The following POU2F1 variants were observed in gnomAD, a reference collection of about 807,000 sequenced individuals.
POU2F1 encodes the protein POU domain, class 2, transcription factor 1.
Under a neutral mutation model 84.9 loss-of-function variants are expected in POU2F1, and 16 were observed. That is an observed-to-expected ratio of 0.19 (90% CI 0.13 to 0.29). The LOEUF is 0.29. Ranked by LOEUF, POU2F1 falls within the 10% of genes least tolerant of loss-of-function variation. POU2F1 has a pLI of 1.00. For synonymous variants in POU2F1, 368 were observed against 368.3 expected, an observed-to-expected ratio of 1.00 and a Z score of 0.01; for missense variants, 738 against 942.6, an observed-to-expected ratio of 0.78 and a Z score of 2.84.
intron 1 of POU2F1, among the ~76,000 whole-genome samples, chr1:167,271,307 A>G (rs1230191134): frequency 6.6e-6 from 1 of 152,220 alleles, no homozygotes; most frequent in Non-Finnish European, 1.5e-5. Flanking sequence ...GAGTTTCCTT[A>G]GAAGCCATTT....
At chr1:167,389,819 G>A in intron 9 of POU2F1, 58 bp downstream of exon 9, 3 of 1,551,810 alleles carry the variant, frequency 1.9e-6, no homozygotes, top group South Asian at 1.2e-5. Context: ...AATACAGTTG[G>A]CTCTCTGTAT....
intron 1 of POU2F1, among the ~76,000 whole-genome samples, chr1:167,324,288 C>CAACAATTTTTTTAAAGAAATACTT (rs140522623): frequency 1.3e-5 from 2 of 152,064 alleles, no homozygotes; most frequent in African/African-American, 4.8e-5. Context: ...AGGTTGAAGT[C>CAACAATTTTTTTAAAGAAATACTT]TAGAACACAT....
At chr1:167,252,169 C>T (rs1438413220) in intron 1 of POU2F1, among the ~76,000 whole-genome samples, 1 of 152,028 alleles carries the variant, frequency 6.6e-6, no homozygotes, top group African/African-American at 2.4e-5. Flanking sequence ...GTCTCTTCTT[C>T]ATATCCTGAT....
chr1:167,330,800 A>G (rs1417565759), intron 1 of POU2F1, among the ~76,000 whole-genome samples: 2 of 152,122 alleles, frequency 1.3e-5, no homozygotes, highest in African/African-American at 4.8e-5. Flanking sequence ...CTTGTTAAGA[A>G]TTATGCTTAT....
chr1:167,319,659 A>T (rs1429030108), intron 1 of POU2F1, among the ~76,000 whole-genome samples: 1 of 151,752 alleles, frequency 6.6e-6, no homozygotes, highest in Non-Finnish European at 1.5e-5. Flanking sequence ...ATCACTGCAA[A>T]ACACTGCAAA....
intron 7 of POU2F1, chr1:167,379,533 C>G (rs547436381): frequency 6.6e-6 from 1 of 152,154 alleles, no homozygotes; most frequent in Non-Finnish European, 1.5e-5. Flanking sequence ...TTAGAAGAAC[C>G]TTGGTGAAAC....
chr1:167,238,211 GTC>G (rs1463446930), intron 1 of POU2F1, among the ~76,000 whole-genome samples: 2 of 151,792 alleles, frequency 1.3e-5, no homozygotes, highest in African/African-American at 4.8e-5. Context: ...GTTTCATTTT[GTC>G]TCTCAAGTTG....
chr1:167,387,047 A>G (rs1648032431), intron 8 of POU2F1: 8 of 397,774 alleles, frequency 2.0e-5, no homozygotes, highest in South Asian at 1.4e-4. Context: ...GCTGAATGCA[A>G]GAGTGAGGTT....
intron 1 of POU2F1, chr1:167,329,322 G>T (rs1656924364): frequency 2.6e-6 from 4 of 1,546,940 alleles, no homozygotes; most frequent in Non-Finnish European, 3.5e-6. Flanking sequence ...TACCAGCACA[G>T]TTCTTTTCTT....
intron 1 of POU2F1, among the ~76,000 whole-genome samples, chr1:167,231,961 G>A (rs937659280): frequency 1.3e-5 from 2 of 152,170 alleles, no homozygotes; most frequent in African/African-American, 4.8e-5. Context: ...CATACCACAA[G>A]GGGATTGGTT....
chr1:167,325,609 C>T (rs746197878), intron 1 of POU2F1, among the ~76,000 whole-genome samples: 8 of 151,844 alleles, frequency 5.3e-5, no homozygotes, highest in Non-Finnish European at 8.8e-5. Context: ...CTAGTAGTGT[C>T]GGCTGGGCAT....
intron 1 of POU2F1, among the ~76,000 whole-genome samples, chr1:167,292,203 A>G (rs1482550987): frequency 6.6e-6 from 1 of 152,102 alleles, no homozygotes; most frequent in Non-Finnish European, 1.5e-5. Context: ...GATATCTATT[A>G]TATAAGTCAG....
At position 167,416,175 on chromosome 1, in the gene POU2F1, G is replaced by GACA; in HGVS notation, c.*367_*369dup. 2.7e-6 allele frequency: 1 copy of GACA among 365,998 alleles called. No individual in the cohort carries two copies. Among genetic ancestry groups the GACA allele is most frequent in the Non-Finnish European group, 5.1e-6 (1 of 195,724 alleles). 22.7% of individuals were successfully genotyped at this position (365,998 alleles called of 1,614,324 possible). ...ACTTATCATTTCCAGCAGTCATGAT[G>GACA]ACAAGTTAAGGTGGGTTACCAATTC... On this transcript the variant is annotated 3_prime_UTR_variant, in exon 16 of 16. Transcript: ENST00000367866.
chr1:167,261,713 TC>T (rs1163558563), intron 1 of POU2F1, among the ~76,000 whole-genome samples: 2 of 152,226 alleles, frequency 1.3e-5, no homozygotes, highest in Non-Finnish European at 2.9e-5. Flanking sequence ...AGAGTCTTGC[TC>T]TGTTGCCCAG....
At chr1:167,308,512 A>T (rs1388487007) in intron 1 of POU2F1, among the ~76,000 whole-genome samples, 1 of 152,032 alleles carries the variant, frequency 6.6e-6, no homozygotes, top group Admixed American at 6.6e-5. Flanking sequence ...CATTTACTAG[A>T]TTTAATAGTG....
chr1:167,256,539 G>C (rs1427057175), intron 1 of POU2F1, among the ~76,000 whole-genome samples: 1 of 152,064 alleles, frequency 6.6e-6, no homozygotes, highest in Non-Finnish European at 1.5e-5. Flanking sequence ...AAATAACTTT[G>C]AATTTCAACT....
At chr1:167,370,872 A>G (rs1389303830) in intron 4 of POU2F1, among the ~76,000 whole-genome samples, 2 of 152,242 alleles carry the variant, frequency 1.3e-5, no homozygotes, top group Non-Finnish European at 2.9e-5. Flanking sequence ...TCTTTGAACC[A>G]TATGGCACAA....
At chr1:167,303,213 G>A (rs1206838385) in intron 1 of POU2F1, among the ~76,000 whole-genome samples, 1 of 151,924 alleles carries the variant, frequency 6.6e-6, no homozygotes, top group Non-Finnish European at 1.5e-5. Context: ...CCAGCTTCAT[G>A]AAAGAATAGC....
chr1:167,292,289 C>G (rs1381204534), intron 1 of POU2F1, among the ~76,000 whole-genome samples: 1 of 152,108 alleles, frequency 6.6e-6, no homozygotes, highest in South Asian at 2.1e-4. Flanking sequence ...ATTTACCCTA[C>G]TTATTGGTGC....
Sources: allele counts gnomAD v4.1 joint callset (sites outside exome capture counted in the v4.1 genomes callset), GRCh38; gene constraint gnomAD v4.1.1; transcripts MANE v1.5; gene names NCBI Gene and HGNC (gene_info 2026-07-23, HGNC 2026-07-21).